Variants in AGAP1 observed in about 807,000 individuals in gnomAD.
AGAP1 encodes the protein arf-GAP with GTPase, ANK repeat and PH domain-containing protein 1.
AGAP1 carries 29 observed loss-of-function variants against 105.3 expected under a neutral mutation model. That is an observed-to-expected ratio of 0.28 (90% CI 0.21 to 0.38). AGAP1 has a LOEUF of 0.38. Among genes scored for constraint, AGAP1 ranks in the 10% least tolerant of loss-of-function variants. The probability of loss-of-function intolerance (pLI) is 1.00; values close to 1 mark genes in which losing one functional copy is unlikely to be tolerated. For synonymous variants in AGAP1, 509 were observed against 485.9 expected (o/e 1.05, Z -0.63); for missense variants, 998 against 1,165.1 (o/e 0.86, Z 2.09).
chr2:235,682,412 G>A (rs1232853725), intron 1 of AGAP1, among the ~76,000 whole-genome samples: 1 of 151,600 alleles, frequency 6.6e-6, no homozygotes, highest in African/African-American at 2.4e-5. Flanking sequence ...GTGCACTCTC[G>A]GCTCACTGCA....
At position 235,729,067 on chromosome 2, in the gene AGAP1, G is replaced by A. The variant is rs1028374678; in HGVS notation, c.310+11423G>A. On this transcript the variant is annotated intron_variant, in intron 3 of 17. Transcript: ENST00000304032. The surrounding 1 kb of genome is among the most constrained non-coding windows in gnomAD (Gnocchi z 5.0). ...AAGAGTCAGAGTGGCTGGGCTCCAG[G>A]GCTCCAGCCAGGCTATTAGCAGGAG... Among the ~76,000 whole-genome samples the A allele has an allele frequency of 6.6e-6, 1 of 152,110 alleles. No homozygotes were observed. The highest frequency in any genetic ancestry group is 1.5e-5 in the Non-Finnish European group (1 of 68,014).
chr2:235,565,471 T>C (rs771126478), intron 1 of AGAP1, among the ~76,000 whole-genome samples: 2 of 152,232 alleles, frequency 1.3e-5, no homozygotes, highest in Admixed American at 1.3e-4. Context: ...CACTCATGCC[T>C]ACCCAGCATA....
intron 6 of AGAP1, among the ~76,000 whole-genome samples, chr2:235,767,107 C>T (rs554793126): frequency 6.3e-4 from 96 of 152,154 alleles, no homozygotes; most frequent in African/African-American, 1.7e-3. Flanking sequence ...AATGGGATTT[C>T]GACATCTTGG....
Position 235,728,620 on chromosome 2 carries a change from T to A in AGAP1, c.310+10976T>A, listed in dbSNP as rs934219338. On this transcript the variant is annotated intron_variant, in intron 3 of 17. Coordinates refer to ENST00000304032, the MANE Select transcript of AGAP1 (RefSeq NM_001037131.3). This position sits in a 1 kb window ranked among gnomAD's most constrained non-coding sequence, Gnocchi z 4.3. ...CCGAAAGCTGGTGGTGGTCTGTTCT[T>A]GTTGTATGAGGGCAGCCCATGTCGC... Among the ~76,000 whole-genome samples, 1 of 152,132 alleles carries A rather than the reference T, an allele frequency of 6.6e-6. No homozygotes were observed. The highest frequency in any genetic ancestry group is 2.4e-5 in the African/African-American group (1 of 41,438).
chr2:235,638,262 AGGT>A (rs1947075655), intron 1 of AGAP1, among the ~76,000 whole-genome samples: 1 of 152,090 alleles, frequency 6.6e-6, no homozygotes, highest in Non-Finnish European at 1.5e-5. Context: ...ATAAGGTAGG[AGGT>A]TCGATCAGAT....
At chr2:235,573,718 C>T (rs530022891) in intron 1 of AGAP1, among the ~76,000 whole-genome samples, 63 of 152,252 alleles carry the variant, frequency 4.1e-4, no homozygotes, top group Middle Eastern at 3.4e-3. Flanking sequence ...CCCATGAGTG[C>T]GCCCCATCAC....
chr2:235,654,129 C>T (rs982772195), intron 1 of AGAP1, among the ~76,000 whole-genome samples: 1 of 152,198 alleles, frequency 6.6e-6, no homozygotes, highest in African/African-American at 2.4e-5. Flanking sequence ...TGACAGTTAT[C>T]TAGAGGAGAT....
Position 235,979,894 on chromosome 2 carries a change from C to G in AGAP1, c.1645+11271C>G, listed in dbSNP as rs1268769274. Reference sequence around the variant, plus strand: ...TCTGCTTTTTCTTAAAAGTGCCTTTCTAGTTGCCACACAGTGATGTGATCA... The same window carrying G: ...TCTGCTTTTTCTTAAAAGTGCCTTTGTAGTTGCCACACAGTGATGTGATCA... On this transcript the variant is annotated intron_variant, in intron 13 of 17. Transcript: ENST00000304032. This position sits in a 1 kb window ranked among gnomAD's most constrained non-coding sequence, Gnocchi z 4.5. Among the ~76,000 whole-genome samples the G allele has an allele frequency of 1.3e-5, 2 of 152,186 alleles. No homozygotes were observed. Among genetic ancestry groups the G allele is most frequent in the Non-Finnish European group, 2.9e-5 (2 of 68,030 alleles).
chr2:235,584,925 T>A (rs865981108), intron 1 of AGAP1, among the ~76,000 whole-genome samples: 11 of 145,812 alleles, frequency 7.5e-5, no homozygotes, highest in African/African-American at 2.6e-4. Flanking sequence ...TTTTTTTTTT[T>A]AAAGAAAACC....
At position 235,552,614 on chromosome 2, in the gene AGAP1, C is replaced by T. The variant is rs964634505; in HGVS notation, c.163+57765C>T. 2.6e-5 allele frequency among the ~76,000 whole-genome samples: 4 copies of T among 152,120 alleles called. No individual in the cohort carries two copies. In the East Asian group the frequency reaches 5.8e-4, roughly 22 times the overall value. ...CATTGGCCAGGCACTGGGGATGCGGCGTATGGGCAGGTGCACACACACCTG... is the reference window on the plus strand; with the variant it reads ...CATTGGCCAGGCACTGGGGATGCGGTGTATGGGCAGGTGCACACACACCTG... On this transcript the variant is annotated intron_variant, in intron 1 of 17. Transcript: ENST00000304032. The surrounding 1 kb of genome is among the most constrained non-coding windows in gnomAD (Gnocchi z 5.9).
chr2:235,771,987 TTCTTTTCTTATC>T, intron 6 of AGAP1, among the ~76,000 whole-genome samples: 1 of 145,572 alleles, frequency 6.9e-6, no homozygotes, highest in Non-Finnish European at 1.5e-5. Flanking sequence ...CTTTTTTTTT[TTCTTTTCTTATC>T]TTTTTTTTTT....
intron 1 of AGAP1, among the ~76,000 whole-genome samples, chr2:235,629,347 C>A (rs978266053): frequency 6.7e-6 from 1 of 148,774 alleles, no homozygotes; most frequent in Non-Finnish European, 1.5e-5. Flanking sequence ...TTTCTTTATC[C>A]ACTTGTTGAT....
At chr2:235,808,874 C>T (rs752245606) in intron 9 of AGAP1, among the ~76,000 whole-genome samples, 10 of 152,054 alleles carry the variant, frequency 6.6e-5, no homozygotes, top group African/African-American at 9.7e-5. Flanking sequence ...TTCAGAGGTC[C>T]GTGCACATAG....
chr2:235,943,334 G>T (rs1222622718), intron 12 of AGAP1, among the ~76,000 whole-genome samples: 2 of 147,778 alleles, frequency 1.4e-5, no homozygotes, highest in Non-Finnish European at 3.0e-5. Context: ...ATAAACACAT[G>T]CAAAAAGGCA....
intron 1 of AGAP1, among the ~76,000 whole-genome samples, chr2:235,694,507 G>C (rs1949903153): frequency 6.6e-6 from 1 of 151,222 alleles, no homozygotes; most frequent in Admixed American, 6.6e-5. Flanking sequence ...AATTAGCTGG[G>C]CATGGTGGCA....
In AGAP1 at chr2:235,951,829, T is replaced by C. The variant is rs1029388034; in HGVS notation, c.1484-16633T>C. On this transcript the variant is annotated intron_variant, in intron 12 of 17. Coordinates refer to ENST00000304032, the MANE Select transcript of AGAP1 (RefSeq NM_001037131.3). The surrounding 1 kb of genome is among the most constrained non-coding windows in gnomAD (Gnocchi z 4.2). Reference sequence around the variant, plus strand: ...AGGCAGTTTTTACACCAGCCAAACTTAGAGCTTCATAAATGCAGGAAACTG... The same window carrying C: ...AGGCAGTTTTTACACCAGCCAAACTCAGAGCTTCATAAATGCAGGAAACTG... Among the ~76,000 whole-genome samples the C allele has an allele frequency of 6.6e-6, 1 of 152,126 alleles. No individual in the cohort carries two copies. The highest frequency in any genetic ancestry group is 1.5e-5 in the Non-Finnish European group (1 of 68,026).
intron 2 of AGAP1, among the ~76,000 whole-genome samples, chr2:235,713,188 T>C (rs1046216158): frequency 6.6e-6 from 1 of 152,220 alleles, no homozygotes; most frequent in Non-Finnish European, 1.5e-5. Flanking sequence ...AAAGAGAAAC[T>C]GATCTTAATT....
At position 235,555,871 on chromosome 2, in the gene AGAP1, G is replaced by T. The variant is rs1032070483; in HGVS notation, c.163+61022G>T. On this transcript the variant is annotated intron_variant, in intron 1 of 17. Coordinates refer to ENST00000304032, the MANE Select transcript of AGAP1 (RefSeq NM_001037131.3). The surrounding 1 kb of genome is among the most constrained non-coding windows in gnomAD (Gnocchi z 5.1). ...GGCCTGAGTTTGCAGGTTTGTGCAGGGCATTGATTGGTTGGTTGGTTGATT... is the reference window on the plus strand; with the variant it reads ...GGCCTGAGTTTGCAGGTTTGTGCAGTGCATTGATTGGTTGGTTGGTTGATT... Among the ~76,000 whole-genome samples, 1 of 152,152 alleles carries T rather than the reference G, an allele frequency of 6.6e-6. No homozygotes were observed. The highest frequency in any genetic ancestry group is 1.5e-5 in the Non-Finnish European group (1 of 68,028).
rs776940127 is a variant in AGAP1 at position 236,009,300 on chromosome 2, C to T, written c.1646-27261C>T. Reference sequence around the variant, plus strand: ...CTCTAACCTCACAATGAAATCGCCACGGACAAAAGATCACGGGATACCGGG... The same window carrying T: ...CTCTAACCTCACAATGAAATCGCCATGGACAAAAGATCACGGGATACCGGG... On this transcript the variant is annotated intron_variant, in intron 13 of 17. Transcript: ENST00000304032. This position sits in a 1 kb window ranked among gnomAD's most constrained non-coding sequence, Gnocchi z 4.2. Among the ~76,000 whole-genome samples the T allele has an allele frequency of 5.3e-5, 8 of 152,172 alleles. No individual in the cohort carries two copies. The highest frequency in any genetic ancestry group is 1.2e-4 in the African/African-American group (5 of 41,434).
Sources: gnomAD v4.1 joint callset for allele counts (sites outside exome capture counted in the v4.1 genomes callset) on GRCh38, gnomAD v4.1.1 for gene constraint, Gnocchi (gnomAD v3.1) non-coding constraint, MANE v1.5 for transcripts, NCBI Gene and HGNC (gene_info 2026-07-23, HGNC 2026-07-21) for gene names.